The following USP47 variants were observed in gnomAD, a reference collection of about 807,000 sequenced individuals.
The protein encoded by USP47 is ubiquitin specific peptidase 47.
USP47 carries 35 observed loss-of-function variants against 165.1 expected under a neutral mutation model. That is an observed-to-expected ratio of 0.21 (90% CI 0.16 to 0.28). The LOEUF (loss-of-function observed/expected upper bound fraction) is 0.28, where lower values mean the gene tolerates loss of function less well. Among genes scored for constraint, USP47 ranks in the 10% least tolerant of loss-of-function variants. The pLI, the probability that USP47 is intolerant of heterozygous loss-of-function variation, is 1.00. For missense variants in USP47, 1,277 were observed against 1,607.4 expected (o/e 0.79, Z 3.52); for synonymous variants, 531 against 544.5 (o/e 0.98, Z 0.35).
At chr11:11,864,566 T>C (rs1849568565) in intron 1 of USP47, among the ~76,000 whole-genome samples, 1 of 151,960 alleles carries the variant, frequency 6.6e-6, no homozygotes, top group Admixed American at 6.6e-5. Flanking sequence ...GCAACCACCA[T>C]TCTACTTTCC....
intron 1 of USP47, among the ~76,000 whole-genome samples, chr11:11,875,126 AAAGG>A (rs983860714): frequency 3.3e-5 from 5 of 151,898 alleles, no homozygotes; most frequent in Non-Finnish European, 7.4e-5. Flanking sequence ...AATAACATTG[AAAGG>A]AAGAATGTCT....
intron 1 of USP47, among the ~76,000 whole-genome samples, chr11:11,844,162 C>A (rs1023254545): frequency 1.3e-5 from 2 of 152,092 alleles, no homozygotes; most frequent in Non-Finnish European, 2.9e-5. Flanking sequence ...TGACCAAATT[C>A]TTTGACTTTT....
intron 20 of USP47, among the ~76,000 whole-genome samples, chr11:11,947,003 A>ATGTAGCT (rs1290571521): frequency 1.3e-5 from 2 of 152,186 alleles, no homozygotes; most frequent in African/African-American, 4.8e-5. Flanking sequence ...TTTACCTTCC[A>ATGTAGCT]TGTAGCTTTA....
chr11:11,918,874 G>T lies in USP47; in HGVS notation c.970-1282G>T, dbSNP rs1383655233. On this transcript the variant is annotated intron_variant, in intron 8 of 27. Transcript: ENST00000527733. ...AAAGCCTGACATTTAGTATCAGTCT[G>T]TGTTAAGCTATAGATGTAATTTCTT... Among the ~76,000 whole-genome samples the T allele has an allele frequency of 2.0e-5, 3 of 151,918 alleles. No individual in the cohort carries two copies. The East Asian group carries it at 5.8e-4, about 29-fold the overall frequency.
chr11:11,868,294 CT>C (rs2134231115), intron 1 of USP47, among the ~76,000 whole-genome samples: 1 of 152,332 alleles, frequency 6.6e-6, no homozygotes, highest in African/African-American at 2.4e-5. Flanking sequence ...TTCCCTTTCA[CT>C]CCCTATTCCC....
intron 5 of USP47, among the ~76,000 whole-genome samples, chr11:11,898,608 G>C (rs1397876967): frequency 2.0e-5 from 3 of 152,124 alleles, no homozygotes; most frequent in Admixed American, 2.0e-4. Context: ...TTAGTAATAA[G>C]ATCTTTGTTC....
At chr11:11,947,841 CTT>C (rs1294186742) in intron 20 of USP47, 102 bp from the exon 21 acceptor site, 2 of 1,216,302 alleles carry the variant, frequency 1.6e-6, no homozygotes, top group Non-Finnish European at 2.3e-6. Context: ...AAGGGGTACT[CTT>C]TACTGCATAC....
rs571549169 is a variant in USP47, at chr11:11,875,173, G to A, written c.40-5004G>A. ...CATGGGTTAAATTTAGAGGTAAAGCGGTACCTTCATAATTTTAAAATACTT... is the reference window on the plus strand; with the variant it reads ...CATGGGTTAAATTTAGAGGTAAAGCAGTACCTTCATAATTTTAAAATACTT... On this transcript the variant is annotated intron_variant, in intron 1 of 27. Coordinates refer to ENST00000527733, the MANE Select transcript of USP47 (RefSeq NM_001282659.2). Among the ~76,000 whole-genome samples, 17 of 151,424 alleles carry A rather than the reference G, an allele frequency of 1.1e-4. No individual in the cohort carries two copies. The South Asian group carries it at 1.5e-3, about 13-fold the overall frequency.
intron 8 of USP47, among the ~76,000 whole-genome samples, chr11:11,915,424 G>A (rs138087367): frequency 2.0e-5 from 3 of 152,196 alleles, no homozygotes; most frequent in Non-Finnish European, 4.4e-5. Flanking sequence ...GTCTTTTGAC[G>A]GGTGTTGAAT....
chr11:11,849,939 C>T (rs1848632662), intron 1 of USP47, among the ~76,000 whole-genome samples: 1 of 152,134 alleles, frequency 6.6e-6, no homozygotes, highest in South Asian at 2.1e-4. Flanking sequence ...ATTTTGAAGG[C>T]ATTGCTCTAC....
At position 11,960,759 on chromosome 11, in the gene USP47, AG is replaced by A. The variant is rs1338554655; in HGVS notation, c.*4585del. ...TGTGTGCAGGGGCCTAGCTGCATTT[AG>A]AAACCAAGCATAGCTATCAAAAAGT... On this transcript the variant is annotated 3_prime_UTR_variant, in exon 28 of 28. Transcript: ENST00000527733. Among the ~76,000 whole-genome samples the A allele has an allele frequency of 6.6e-6, 1 of 152,236 alleles. No individual in the cohort carries two copies. The highest frequency in any genetic ancestry group is 1.5e-5 in the Non-Finnish European group (1 of 68,042).
At chr11:11,954,216 C>G (rs1201829596) in intron 25 of USP47, among the ~76,000 whole-genome samples, 1 of 152,072 alleles carries the variant, frequency 6.6e-6, no homozygotes, top group East Asian at 1.9e-4. Flanking sequence ...CACCACTGCA[C>G]TCCAGTCTAG....
intron 25 of USP47, among the ~76,000 whole-genome samples, chr11:11,953,394 TAAG>T (rs1856348889): frequency 6.6e-6 from 1 of 152,076 alleles, no homozygotes; most frequent in Non-Finnish European, 1.5e-5. Context: ...CTAAATGTAT[TAAG>T]TTTATATATA....
intron 1 of USP47, among the ~76,000 whole-genome samples, chr11:11,857,823 C>T (rs572349245): frequency 1.6e-4 from 25 of 152,298 alleles, no homozygotes; most frequent in African/African-American, 4.8e-4. Context: ...TTTGTAACTT[C>T]GCTTCAGCCT....
At chr11:11,913,284 C>A (rs1177515941) in intron 8 of USP47, among the ~76,000 whole-genome samples, 5 of 147,062 alleles carry the variant, frequency 3.4e-5, no homozygotes, top group Non-Finnish European at 6.0e-5. Context: ...AAAACAACAC[C>A]TGAACTAATA....
chr11:11,897,256 T>G (rs1851907189), intron 4 of USP47, among the ~76,000 whole-genome samples: 1 of 151,954 alleles, frequency 6.6e-6, no homozygotes, highest in Non-Finnish European at 1.5e-5. Flanking sequence ...TTTAATATGT[T>G]TAAACGTTTA....
Position 11,905,514 on chromosome 11 carries a change from G to A in USP47, c.935G>A (p.Arg312Gln), listed in dbSNP as rs1279295619. 5.6e-6 allele frequency: 9 copies of A among 1,608,328 alleles called. No individual in the cohort carries two copies. Among genetic ancestry groups the A allele is most frequent in the African/African-American group, 1.3e-5 (1 of 74,894 alleles). The change falls in exon 8 of 28, where the codon CGA becomes CAA. Residue 312 changes from arginine to glutamine, a missense_variant. By Grantham distance (43) the Arg-to-Gln change is conservative. Around this residue, in one of 4 missense-constraint regions of USP47, gnomAD observed 175 missense variants for 295.8 expected, o/e 0.59. Coordinates refer to ENST00000527733, the MANE Select transcript of USP47 (RefSeq NM_001282659.2). ...DTYLDIPLVI[R>Q]PYGSSQAFAS... Reference sequence around the variant, plus strand: ...TATCTTGATATTCCATTGGTCATCCGACCTTATGGGTCCAGCCAAGCATTT... The same window carrying A: ...TATCTTGATATTCCATTGGTCATCCAACCTTATGGGTCCAGCCAAGCATTT...
chr11:11,884,313 T>G (rs1851016358), intron 2 of USP47, among the ~76,000 whole-genome samples, 154 bp from the exon 3 acceptor site: 1 of 152,190 alleles, frequency 6.6e-6, no homozygotes, highest in Admixed American at 6.5e-5. Flanking sequence ...GCTATTCCAG[T>G]TAATGAATAA....
Position 11,956,165 on chromosome 11 carries a change from C to G in USP47, c.4058C>G (p.Thr1353Ser). 6.2e-7 allele frequency: 1 copy of G among 1,614,016 alleles called. No homozygotes were observed. Among genetic ancestry groups the G allele is most frequent in the Non-Finnish European group, 8.5e-7 (1 of 1,179,950 alleles). The change falls in exon 28 of 28, where the codon ACT becomes AGT. Residue 1353 changes from threonine (T) to serine (S), a missense_variant. Coordinates refer to ENST00000527733, the MANE Select transcript of USP47 (RefSeq NM_001282659.2). ...GATGGAGCACCAAATAAAGATCTGA[C>G]TCAAGACTGACTCTGATAGTGTAGC... ...YLDGAPNKDLTQD is the reference protein window; with the variant it reads ...YLDGAPNKDLSQD
Sources: allele counts gnomAD v4.1 joint callset (sites outside exome capture counted in the v4.1 genomes callset), GRCh38; gene constraint gnomAD v4.1.1; regional missense constraint gnomAD v4.1.1; transcripts MANE v1.5; gene names NCBI Gene and HGNC (gene_info 2026-07-23, HGNC 2026-07-21).